Variants in NPLOC4 observed in about 807,000 individuals in gnomAD.
The protein encoded by NPLOC4 is NPL4 homolog, ubiquitin recognition factor, also known as nuclear protein localization protein 4 homolog.
In NPLOC4, 18 loss-of-function variants were observed where a neutral mutation model predicts 80.6. The ratio of observed to expected loss-of-function variants is 0.22; its 90% CI spans 0.15 to 0.33. The LOEUF (loss-of-function observed/expected upper bound fraction) is 0.33, where lower values mean the gene tolerates loss of function less well. NPLOC4 is among the 10% of genes least tolerant of loss of function. NPLOC4 has a pLI of 1.00. For synonymous variants in NPLOC4, 313 were observed against 301.5 expected, an observed-to-expected ratio of 1.04 and a Z score of -0.39; for missense variants, 540 against 786.1, an observed-to-expected ratio of 0.69 and a Z score of 3.74.
rs1598606342 is a variant in NPLOC4, at chr17:81,557,451, A to G, written c.*1808T>C. 6.6e-6 allele frequency: 1 copy of G among 152,326 alleles called. No homozygotes were observed. The highest frequency in any genetic ancestry group is 1.9e-4 in the East Asian group (1 of 5,202). The allele number at this position is 152,326 out of a possible 1,614,324, so 9.4% of individuals were successfully genotyped here. ...ATGCTGGTGGAGGACAACGGAAACT[A>G]TAATAGCGTGGTGGATAAGGACGAG... is the stretch of plus-strand genomic sequence containing the variant. On this transcript the variant is annotated 3_prime_UTR_variant, in exon 17 of 17. Transcript: ENST00000331134.
At chr17:81,635,024 T>G (rs927125632) in intron 1 of NPLOC4, among the ~76,000 whole-genome samples, 5 of 151,902 alleles carry the variant, frequency 3.3e-5, no homozygotes, top group African/African-American at 1.2e-4. Flanking sequence ...AGACCTCATC[T>G]CTATAAAAAA....
At chr17:81,635,523 C>T (rs944833660) in intron 1 of NPLOC4, among the ~76,000 whole-genome samples, 2 of 152,056 alleles carry the variant, frequency 1.3e-5, no homozygotes, top group African/African-American at 4.8e-5. Context: ...GCTAGGTTCT[C>T]CTGGAGACCC....
At position 81,573,288 on chromosome 17, in the gene NPLOC4, C is replaced by T. The variant is rs146142268; in HGVS notation, c.1282-1200G>A. On this transcript the variant is annotated intron_variant, in intron 12 of 16. Coordinates refer to ENST00000331134, the MANE Select transcript of NPLOC4 (RefSeq NM_017921.4). Reference sequence around the variant, plus strand: ...TCTCAGACCCGAAATGATTGCCAAGCAAATCTCCCTGAGGTGTGCAGGGTG... The same window carrying T: ...TCTCAGACCCGAAATGATTGCCAAGTAAATCTCCCTGAGGTGTGCAGGGTG... Among the ~76,000 whole-genome samples the T allele has an allele frequency of 2.6e-5, 4 of 152,274 alleles. No individual in the cohort carries two copies. In the East Asian group the frequency reaches 7.7e-4, roughly 29 times the overall value.
intron 9 of NPLOC4, among the ~76,000 whole-genome samples, chr17:81,597,921 C>T (rs1360896729): frequency 2.7e-5 from 4 of 150,574 alleles, no homozygotes; most frequent in African/African-American, 4.9e-5. Flanking sequence ...GGTGAAATCC[C>T]GTCTCTACTA....
At chr17:81,574,876 AACAC>A (rs71166157) in intron 12 of NPLOC4, among the ~76,000 whole-genome samples, 12,111 of 148,980 alleles carry the variant, frequency 0.081, 555 homozygotes, top group Middle Eastern at 0.16. Context: ...CAAACAAACA[AACAC>A]ACACACACAC....
chr17:81,575,198 C>T (rs1789218858), intron 12 of NPLOC4, among the ~76,000 whole-genome samples: 1 of 152,158 alleles, frequency 6.6e-6, no homozygotes, highest in African/African-American at 2.4e-5. Context: ...CTCCCGGGTT[C>T]AAGCCATTCT....
chr17:81,581,602 C>T (rs1231055980), intron 12 of NPLOC4, among the ~76,000 whole-genome samples: 4 of 152,190 alleles, frequency 2.6e-5, no homozygotes, highest in African/African-American at 9.7e-5. Context: ...ACCAAGGCCA[C>T]CTCTCCTCAC....
intron 2 of NPLOC4, among the ~76,000 whole-genome samples, chr17:81,624,878 G>A (rs1288062376): frequency 2.6e-5 from 4 of 152,328 alleles, no homozygotes; most frequent in African/African-American, 9.6e-5. Context: ...ACGGAGGCCA[G>A]AGGCCAATAA....
chr17:81,631,646 A>G (rs971991617), intron 1 of NPLOC4, among the ~76,000 whole-genome samples: 2 of 151,962 alleles, frequency 1.3e-5, no homozygotes, highest in Non-Finnish European at 2.9e-5. Context: ...TCTGCAGCAA[A>G]CAAAGACCTG....
chr17:81,622,315 T>C (rs1420900742), intron 2 of NPLOC4, 37 bp from the exon 3 acceptor site: 1 of 1,443,504 alleles, frequency 6.9e-7, no homozygotes, highest in East Asian at 2.3e-5. Context: ...TTTAATGAAA[T>C]GCTAAAGTAT....
At chr17:81,587,008 A>C (rs556503811) in intron 12 of NPLOC4, among the ~76,000 whole-genome samples, 1 of 152,350 alleles carries the variant, frequency 6.6e-6, no homozygotes, top group South Asian at 2.1e-4. Context: ...AATGAGCAGC[A>C]CACCACACAC....
At chr17:81,635,165 C>T (rs889601901) in intron 1 of NPLOC4, among the ~76,000 whole-genome samples, 17 of 151,612 alleles carry the variant, frequency 1.1e-4, no homozygotes, top group Non-Finnish European at 2.4e-4. Flanking sequence ...CACGGTGAAA[C>T]CCCATCACCA....
At chr17:81,581,446 G>A (rs947886964) in intron 12 of NPLOC4, among the ~76,000 whole-genome samples, 5 of 143,826 alleles carry the variant, frequency 3.5e-5, no homozygotes, top group African/African-American at 5.1e-5. Context: ...ATTGTTACTT[G>A]TCCTCAAGAG....
rs943340603 is a variant in NPLOC4, at chr17:81,604,478, C to T, written c.834+70G>A. 5 of 1,443,786 alleles carry T rather than the reference C, an allele frequency of 3.5e-6. No individual in the cohort carries two copies. In the African/African-American group the frequency reaches 5.7e-5, roughly 16 times the overall value. The allele number at this position is 1,443,786 out of a possible 1,614,324, so 89.4% of individuals were successfully genotyped here. A position where few individuals can be genotyped will look rare whatever the true frequency, so the allele number is the denominator to read the frequency against. ...AACAACAAAGCGAACAGGGCAAGGC[C>T]TCTCCGAAAGGGCGTCCCCCACAGC... On this transcript the variant is annotated intron_variant, in intron 8 of 16. Transcript: ENST00000331134.
In NPLOC4 at chr17:81,637,044, G is replaced by C. The variant is rs977904510; in HGVS notation, c.-114C>G. ...CCGGCCCCGGCCTCCCTACGCCGCC[G>C]CCACCGCCGCTCCAGCTTCGCCCGC... is the stretch of plus-strand genomic sequence containing the variant. On this transcript the variant is annotated 5_prime_UTR_variant, in exon 1 of 17. Coordinates refer to ENST00000331134, the MANE Select transcript of NPLOC4 (RefSeq NM_017921.4). 1.8e-6 allele frequency: 1 copy of C among 555,720 alleles called. No individual in the cohort carries two copies. Among genetic ancestry groups the C allele is most frequent in the African/African-American group, 2.0e-5 (1 of 50,360 alleles). The allele number at this position is 555,720 out of a possible 1,614,324, so 34.4% of individuals were successfully genotyped here.
intron 2 of NPLOC4, among the ~76,000 whole-genome samples, chr17:81,623,796 T>C (rs2035729818): frequency 9.9e-6 from 1 of 101,304 alleles, no homozygotes; most frequent in Admixed American, 1.1e-4. Context: ...AGACTCCGTC[T>C]CAAAAAAAAA....
chr17:81,632,925 T>C (rs1425180212), intron 1 of NPLOC4, among the ~76,000 whole-genome samples: 3 of 151,974 alleles, frequency 2.0e-5, no homozygotes, highest in Non-Finnish European at 4.4e-5. Context: ...AGTCAGGAGA[T>C]TGAGACCATC....
Position 81,559,395 on chromosome 17 carries a change from G to C in NPLOC4, c.1691C>G (p.Pro564Arg). ...QLCSTVGGQL[P>R]GLHEYGAVGG... ...GACGGCGCCGTACTCATGGAGACCT[G>C]GGAGCTGCCCGCCAACTGTGCCTGC... Residue 564 changes from proline to arginine, a missense_variant, in exon 17 of 17, where the codon CCA becomes CGA. By Grantham distance (103) the Pro-to-Arg change is moderately radical. Transcript: ENST00000331134. The C allele has an allele frequency of 6.2e-7, 1 of 1,610,620 alleles. No individual in the cohort carries two copies. The highest frequency in any genetic ancestry group is 8.5e-7 in the Non-Finnish European group (1 of 1,178,694).
At chr17:81,569,342 C>T (rs547892263) in intron 13 of NPLOC4, among the ~76,000 whole-genome samples, 5 of 152,362 alleles carry the variant, frequency 3.3e-5, no homozygotes, top group South Asian at 2.1e-4. Flanking sequence ...GGGCAGCCTC[C>T]GGCCTGTGCA....
Sources: gnomAD v4.1 joint callset for allele counts (sites outside exome capture counted in the v4.1 genomes callset) on GRCh38, gnomAD v4.1.1 for gene constraint, MANE v1.5 for transcripts, NCBI Gene and HGNC (gene_info 2026-07-23, HGNC 2026-07-21) for gene names.